The following DACH1 variants were observed in gnomAD, a reference collection of about 807,000 sequenced individuals.
DACH1 encodes dachshund family transcription factor 1.
DACH1 carries 12 observed loss-of-function variants against 54.2 expected under a neutral mutation model. That is an observed-to-expected ratio of 0.22 (90% CI 0.14 to 0.36). The LOEUF is 0.36. Among genes scored for constraint, DACH1 ranks in the 10% least tolerant of loss-of-function variants. The probability of loss-of-function intolerance (pLI) is 1.00; values close to 1 mark genes in which losing one functional copy is unlikely to be tolerated. For synonymous variants in DACH1, 386 were observed against 366.2 expected (o/e 1.05, Z -0.62); for missense variants, 805 against 929.8 (o/e 0.87, Z 1.75).
intron 1 of DACH1, among the ~76,000 whole-genome samples, chr13:71,766,313 G>C (rs778142666): frequency 6.6e-6 from 1 of 152,138 alleles, no homozygotes; most frequent in Non-Finnish European, 1.5e-5. Context: ...ATAATCACTT[G>C]TGGAGATGTT....
At chr13:71,572,035 G>C (rs1885244576) in intron 4 of DACH1, among the ~76,000 whole-genome samples, 1 of 152,052 alleles carries the variant, frequency 6.6e-6, no homozygotes, top group Admixed American at 6.6e-5. Context: ...TAAGTGTATT[G>C]TATTCAGAAA....
rs146242473 is a variant in DACH1, at chr13:71,469,143, T to C, written c.2083+5998A>G. ...GAAACCCAGAAACCCCATTAACTAG[T>C]AGTGTGACTGTGAGAAAGTTAATCA... On this transcript the variant is annotated intron_variant, in intron 10 of 10. Transcript: ENST00000613252. Among the ~76,000 whole-genome samples the C allele has an allele frequency of 8.0e-3, 1,219 of 152,266 alleles. 9 individuals carry two copies. Among genetic ancestry groups the C allele is most frequent in the East Asian group, 0.031 (161 of 5,168 alleles).
intron 6 of DACH1, among the ~76,000 whole-genome samples, chr13:71,497,651 T>A (rs569951570): frequency 2.6e-4 from 39 of 152,178 alleles, no homozygotes; most frequent in African/African-American, 7.7e-4. Flanking sequence ...GTAGTTTCTA[T>A]ATTATGTCTC....
chr13:71,457,412 A>G (rs748503017), intron 10 of DACH1, among the ~76,000 whole-genome samples: 7 of 152,050 alleles, frequency 4.6e-5, no homozygotes, highest in Non-Finnish European at 1.0e-4. Context: ...ATGTATTTTT[A>G]TCATTCACTA....
chr13:71,523,498 T>C (rs1159799568), intron 6 of DACH1, among the ~76,000 whole-genome samples: 2 of 152,092 alleles, frequency 1.3e-5, no homozygotes, highest in Non-Finnish European at 2.9e-5. Context: ...AATCAAAATA[T>C]ATGTAGCCAA....
intron 3 of DACH1, among the ~76,000 whole-genome samples, chr13:71,579,166 C>A (rs978342850): frequency 6.6e-6 from 1 of 152,002 alleles, no homozygotes; most frequent in Non-Finnish European, 1.5e-5. Flanking sequence ...GAATGCAGAG[C>A]TGTTTTGATA....
chr13:71,464,022 A>C (rs1196990193), intron 10 of DACH1, among the ~76,000 whole-genome samples: 1 of 152,040 alleles, frequency 6.6e-6, no homozygotes, highest in Non-Finnish European at 1.5e-5. Context: ...AGTTTCTGCC[A>C]GGAAACACTG....
Position 71,720,985 on chromosome 13 carries a change from A to G in DACH1, c.849-39075T>C, listed in dbSNP as rs192020628. On this transcript the variant is annotated intron_variant, in intron 1 of 10. Coordinates refer to ENST00000613252, the MANE Select transcript of DACH1 (RefSeq NM_080759.6). ...ATTTCTCTCTTACTTGATGATCCAC[A>G]GCTATTTCCTGTTAAAAATACTGTA... 3.0e-3 allele frequency among the ~76,000 whole-genome samples: 450 copies of G among 152,308 alleles called. 2 individuals are homozygous for G. The highest frequency in any genetic ancestry group is 3.6e-3 in the Non-Finnish European group (247 of 68,016).
chr13:71,770,753 A>C (rs1052216828), intron 1 of DACH1, among the ~76,000 whole-genome samples: 2 of 151,620 alleles, frequency 1.3e-5, no homozygotes, highest in South Asian at 4.1e-4. Flanking sequence ...AATTAACTAA[A>C]TCTAGTAAAT....
At chr13:71,678,575 A>AAACT (rs1880706464) in intron 2 of DACH1, among the ~76,000 whole-genome samples, 1 of 152,012 alleles carries the variant, frequency 6.6e-6, no homozygotes, top group African/African-American at 2.4e-5. Context: ...ACAGGGCACT[A>AAACT]AACTAACTCG....
chr13:71,459,514 A>G (rs1398287860), intron 10 of DACH1, among the ~76,000 whole-genome samples: 2 of 151,908 alleles, frequency 1.3e-5, no homozygotes, highest in Admixed American at 1.3e-4. Flanking sequence ...AACTTTTTTT[A>G]TGGGATGTCT....
intron 1 of DACH1, among the ~76,000 whole-genome samples, chr13:71,749,698 T>A (rs965161304): frequency 6.6e-6 from 1 of 152,218 alleles, no homozygotes; most frequent in Middle Eastern, 3.2e-3. Context: ...GAAATGTTAA[T>A]ATTGTAGAGA....
chr13:71,532,581 T>C (rs898129179), intron 6 of DACH1, among the ~76,000 whole-genome samples: 4 of 151,970 alleles, frequency 2.6e-5, no homozygotes, highest in Non-Finnish European at 5.9e-5. Flanking sequence ...GAAAGAGATA[T>C]TGGGGAGAAC....
At chr13:71,787,029 G>C (rs1183916825) in intron 1 of DACH1, among the ~76,000 whole-genome samples, 1 of 152,158 alleles carries the variant, frequency 6.6e-6, no homozygotes, top group Non-Finnish European at 1.5e-5. Context: ...ACCAGGGAGA[G>C]AGAACTAAAC....
chr13:71,475,698 C>A lies in DACH1; in HGVS notation c.2014+8G>T, dbSNP rs1275451308. 9 of 1,606,624 alleles carry A rather than the reference C, an allele frequency of 5.6e-6. No individual in the cohort carries two copies. The highest frequency in any genetic ancestry group is 7.6e-6 in the Non-Finnish European group (9 of 1,177,814). ...CAGTTATTCATGCAATAATATACAC[C>A]CTCTTACCATTTAAGACCCTGAGAC... is the stretch of plus-strand genomic sequence containing the variant. On this transcript the variant is annotated splice_region_variant and intron_variant, in intron 9 of 10. Transcript: ENST00000613252.
At chr13:71,472,204 A>G (rs1474461185) in intron 10 of DACH1, among the ~76,000 whole-genome samples, 2 of 152,222 alleles carry the variant, frequency 1.3e-5, no homozygotes, top group Non-Finnish European at 2.9e-5. Context: ...TAGTTATTTG[A>G]AAATCAGCAA....
intron 5 of DACH1, among the ~76,000 whole-genome samples, chr13:71,557,614 A>G (rs1884333514): frequency 6.6e-6 from 1 of 152,062 alleles, no homozygotes; most frequent in Admixed American, 6.6e-5. Context: ...GGTAAACATC[A>G]ACAACAAGTA....
intron 10 of DACH1, among the ~76,000 whole-genome samples, chr13:71,460,826 A>G (rs1252863399): frequency 6.6e-6 from 1 of 152,094 alleles, no homozygotes. Flanking sequence ...ACCCTTGGAA[A>G]GTAAGTGCAA....
chr13:71,704,406 A>G (rs1288750278), intron 1 of DACH1: 1 of 407,148 alleles, frequency 2.5e-6, no homozygotes, highest in East Asian at 6.1e-5. Flanking sequence ...ATTGTTTTAA[A>G]CAAGTTAAGG....
Sources: allele counts gnomAD v4.1 joint callset (sites outside exome capture counted in the v4.1 genomes callset), GRCh38; gene constraint gnomAD v4.1.1; transcripts MANE v1.5; gene names NCBI Gene and HGNC (gene_info 2026-07-23, HGNC 2026-07-21).